Variants in PCDH15 observed in about 807,000 individuals in gnomAD.
The protein encoded by PCDH15 is protocadherin-15.
Under a neutral mutation model 178.5 loss-of-function variants are expected in PCDH15, and 129 were observed. The ratio of observed to expected loss-of-function variants is 0.72; its 90% CI spans 0.63 to 0.84. PCDH15 has a LOEUF of 0.84. PCDH15 is among the 40% of genes least tolerant of loss of function. PCDH15 has a pLI of 0.00. For missense variants in PCDH15, 2,230 were observed against 2,099.9 expected (o/e 1.06, Z -1.21); for synonymous variants, 800 against 732.0 (o/e 1.09, Z -1.50).
At chr10:54,285,697 A>T (rs1459312050) in intron 8 of PCDH15, among the ~76,000 whole-genome samples, 1 of 152,190 alleles carries the variant, frequency 6.6e-6, no homozygotes, top group Non-Finnish European at 1.5e-5. Context: ...CTACCATATG[A>T]TCCAGTCATT....
chr10:54,267,890 C>G (rs1157922895), intron 8 of PCDH15, among the ~76,000 whole-genome samples: 1 of 151,764 alleles, frequency 6.6e-6, no homozygotes, highest in Non-Finnish European at 1.5e-5. Flanking sequence ...TCCTATGAAA[C>G]TGCCAAAATC....
intron 2 of PCDH15, among the ~76,000 whole-genome samples, chr10:55,353,732 T>C (rs1374173973): frequency 6.6e-6 from 1 of 152,070 alleles, no homozygotes; most frequent in Non-Finnish European, 1.5e-5. Flanking sequence ...CTTGCACTTC[T>C]ACCTCAAAGG....
rs374533653 is a variant in PCDH15, at chr10:54,415,256, CTG to C, written c.158-36316_158-36315del. ...TCTTTATCCACAAAAGGGGTTCAAA[CTG>C]TGCAATACATTTTTGTCACACTAAT... On this transcript the variant is annotated intron_variant, in intron 3 of 37. Coordinates refer to ENST00000644397, the MANE Select transcript of PCDH15 (RefSeq NM_001384140.1). Among the ~76,000 whole-genome samples, 924 of 152,014 alleles carry C rather than the reference CTG, an allele frequency of 6.1e-3. 8 individuals carry two copies. Among genetic ancestry groups the C allele is most frequent in the Non-Finnish European group, 0.011 (715 of 67,900 alleles).
At chr10:53,959,937 C>G in intron 22 of PCDH15, 93 bp from the exon 23 acceptor site, 1 of 988,668 alleles carries the variant, frequency 1.0e-6, no homozygotes, top group Admixed American at 1.9e-5. Flanking sequence ...TATTGGATTG[C>G]CTGGTTCCAG....
chr10:55,089,236 G>T (rs139600961), intron 2 of PCDH15, among the ~76,000 whole-genome samples: 1 of 151,992 alleles, frequency 6.6e-6, no homozygotes, highest in African/African-American at 2.4e-5. Context: ...TACAATCATC[G>T]AATCACAACT....
At chr10:54,463,120 C>T (rs756512850) in intron 3 of PCDH15, among the ~76,000 whole-genome samples, 3 of 152,052 alleles carry the variant, frequency 2.0e-5, no homozygotes, top group Non-Finnish European at 2.9e-5. Flanking sequence ...TCTGTTCAGT[C>T]ATTAGAGAAG....
intron 25 of PCDH15, among the ~76,000 whole-genome samples, chr10:53,905,427 G>A (rs1564734727): frequency 6.6e-6 from 1 of 152,220 alleles, no homozygotes; most frequent in Non-Finnish European, 1.5e-5. Flanking sequence ...TCCACCTCCC[G>A]AGTTCATGCC....
chr10:55,533,945 A>G lies in PCDH15; in HGVS notation c.-156+93680T>C, dbSNP rs180743061. Among the ~76,000 whole-genome samples the G allele has an allele frequency of 1.2e-3, 188 of 151,970 alleles. 1 individual carries two copies. The highest frequency in any genetic ancestry group is 4.4e-3 in the African/African-American group (184 of 41,504). On this transcript the variant is annotated intron_variant, in intron 2 of 5. Transcript: ENST00000613346. The stretch of plus-strand genomic sequence containing the variant: ...TAAAGCCTCACAATTAAAACCACCT[A>G]ATTTTTGGCAAGGCTGACCAAAGCA...
chr10:55,563,906 G>C (rs186497593), intron 2 of PCDH15, among the ~76,000 whole-genome samples: 1 of 151,730 alleles, frequency 6.6e-6, no homozygotes, highest in African/African-American at 2.4e-5. Flanking sequence ...TTCATTAACC[G>C]CTATAAATGC....
intron 2 of PCDH15, among the ~76,000 whole-genome samples, chr10:54,936,807 T>G (rs1837918626): frequency 1.3e-5 from 2 of 151,656 alleles, no homozygotes; most frequent in Non-Finnish European, 1.5e-5. Context: ...TTGATTGCCT[T>G]TCTACTTTCT....
chr10:54,943,139 T>C (rs1038203382), intron 2 of PCDH15, among the ~76,000 whole-genome samples: 5 of 152,042 alleles, frequency 3.3e-5, no homozygotes, highest in Admixed American at 2.6e-4. Context: ...AGTCAAACAC[T>C]GATCTCCTTG....
chr10:55,255,969 C>A (rs1369984971), intron 1 of PCDH15, among the ~76,000 whole-genome samples: 1 of 152,106 alleles, frequency 6.6e-6, no homozygotes, highest in Non-Finnish European at 1.5e-5. Context: ...TCCCATTTGT[C>A]AATTTTGGCT....
chr10:55,442,267 G>A (rs1201596349), intron 2 of PCDH15, among the ~76,000 whole-genome samples: 2 of 151,262 alleles, frequency 1.3e-5, no homozygotes, highest in African/African-American at 4.9e-5. Flanking sequence ...AAGAAATGAT[G>A]ATGGATACTT....
In PCDH15 at chr10:53,831,190, C is replaced by T. The variant is rs77597438; in HGVS notation, c.4202+125G>A. ...AATCATTTGGTACGAGATAGACAGACAGATAAAGCAATCTCAGAGTAGTTG... is the reference window on the plus strand; with the variant it reads ...AATCATTTGGTACGAGATAGACAGATAGATAAAGCAATCTCAGAGTAGTTG... On this transcript the variant is annotated intron_variant, in intron 30 of 37. Transcript: ENST00000644397. The T allele has an allele frequency of 0.42, 379,808 of 910,740 alleles. 82,975 individuals are homozygous for T. The highest frequency in any genetic ancestry group is 0.79 in the East Asian group (32,790 of 41,580). The allele number at this position is 910,740 out of a possible 1,614,324, so 56.4% of individuals were successfully genotyped here.
intron 3 of PCDH15, among the ~76,000 whole-genome samples, chr10:54,456,182 C>A (rs1234317343): frequency 6.6e-6 from 1 of 152,084 alleles, no homozygotes; most frequent in Non-Finnish European, 1.5e-5. Context: ...ATGGTAGATC[C>A]ATCCACAGCT....
At chr10:53,976,265 C>T (rs1021342209) in intron 21 of PCDH15, among the ~76,000 whole-genome samples, 7 of 152,002 alleles carry the variant, frequency 4.6e-5, no homozygotes, top group African/African-American at 1.7e-4. Flanking sequence ...CCATGCTTAA[C>T]CCTAGGTAAT....
intron 2 of PCDH15, among the ~76,000 whole-genome samples, chr10:55,361,045 A>AT (rs1368701523): frequency 2.0e-5 from 3 of 152,002 alleles, no homozygotes; most frequent in Non-Finnish European, 4.4e-5. Flanking sequence ...AATTGCAACC[A>AT]AAAACATGAA....
At chr10:54,189,925 ATGTGTGTGTGTGTGTGTGTG>A (rs57024579) in intron 11 of PCDH15, among the ~76,000 whole-genome samples, 1 of 141,482 alleles carries the variant, frequency 7.1e-6, no homozygotes, top group Admixed American at 7.1e-5. Context: ...ATGCATGTGT[ATGTGTGTGTGTGTGTGTGTG>A]TGTGTGTGTG....
chr10:54,425,461 A>C (rs1424720038), intron 3 of PCDH15, among the ~76,000 whole-genome samples: 1 of 152,150 alleles, frequency 6.6e-6, no homozygotes, highest in Non-Finnish European at 1.5e-5. Flanking sequence ...TTGGATTTCC[A>C]AGCCTCCTTA....
Sources: gnomAD v4.1 joint callset for allele counts (sites outside exome capture counted in the v4.1 genomes callset) on GRCh38, gnomAD v4.1.1 for gene constraint, MANE v1.5 for transcripts, NCBI Gene and HGNC (gene_info 2026-07-23, HGNC 2026-07-21) for gene names.